Variants in METTL25 observed in about 807,000 individuals in gnomAD.
The protein encoded by METTL25 is methyltransferase like 25, also known as probable methyltransferase-like protein 25.
METTL25 carries 64 observed loss-of-function variants against 71.6 expected under a neutral mutation model. That is an observed-to-expected ratio of 0.89 (90% CI 0.73 to 1.10). The LOEUF is 1.10. METTL25 is among the 50% of genes least tolerant of loss of function. The pLI, the probability that METTL25 is intolerant of heterozygous loss-of-function variation, is 0.00. For missense variants in METTL25, 807 were observed against 707.0 expected, an observed-to-expected ratio of 1.14 and a Z score of -1.60; for synonymous variants, 287 against 250.3, an observed-to-expected ratio of 1.15 and a Z score of -1.38.
intron 1 of METTL25, among the ~76,000 whole-genome samples, chr12:82,378,405 G>A (rs1162198987): frequency 6.6e-6 from 1 of 152,142 alleles, no homozygotes; most frequent in Admixed American, 6.6e-5. Context: ...TGGAGATAGG[G>A]TAGGAGCTAG....
intron 8 of METTL25, chr12:82,439,867 T>TTTA (rs71068928): frequency 1 from 920,590 of 921,344 alleles, 459,923 homozygotes; most frequent in South Asian, 1. Context: ...TGTTCATGTG[T>TTTA]TTATTTCCTT....
intron 5 of METTL25, among the ~76,000 whole-genome samples, chr12:82,415,462 C>T (rs2137075561): frequency 6.6e-6 from 1 of 152,150 alleles, no homozygotes; most frequent in South Asian, 2.1e-4. Context: ...CATACACATA[C>T]ATGTAATTAG....
At chr12:82,451,897 A>G (rs1379928773) in intron 8 of METTL25, among the ~76,000 whole-genome samples, 1 of 152,124 alleles carries the variant, frequency 6.6e-6, no homozygotes, top group Non-Finnish European at 1.5e-5. Context: ...TAAACAGTTT[A>G]TCTTAGGAAC....
At chr12:82,415,816 T>C (rs992828950) in intron 5 of METTL25, among the ~76,000 whole-genome samples, 1 of 152,134 alleles carries the variant, frequency 6.6e-6, no homozygotes, top group African/African-American at 2.4e-5. Context: ...CAAAACTCCT[T>C]CACGGGCCAT....
intron 3 of METTL25, among the ~76,000 whole-genome samples, chr12:82,395,989 TCAGTCAACAACAGACCA>T (rs1886044368): frequency 6.6e-6 from 1 of 152,138 alleles, no homozygotes; most frequent in South Asian, 2.1e-4. Flanking sequence ...TAAGGACATT[TCAGTCAACAACAGACCA>T]CATATAAGAT....
chr12:82,429,495 T>C (rs555552323), intron 5 of METTL25, among the ~76,000 whole-genome samples: 1 of 151,700 alleles, frequency 6.6e-6, no homozygotes, highest in Non-Finnish European at 1.5e-5. Context: ...CTACTGTGAA[T>C]AGTGCTGCAA....
intron 5 of METTL25, 56 bp downstream of exon 5, chr12:82,403,186 T>C (rs746464732): frequency 1.1e-5 from 16 of 1,506,448 alleles, no homozygotes; most frequent in Non-Finnish European, 1.3e-5. Context: ...TGAAATATGC[T>C]ATTTCTATTT....
intron 1 of METTL25, among the ~76,000 whole-genome samples, chr12:82,386,554 G>T (rs1051003624): frequency 6.8e-6 from 1 of 147,956 alleles, no homozygotes; most frequent in Non-Finnish European, 1.5e-5. Flanking sequence ...CCATAAAAAA[G>T]GCCTGATTGT....
At chr12:82,397,007 A>G (rs1355728451) in intron 3 of METTL25, among the ~76,000 whole-genome samples, 2 of 151,982 alleles carry the variant, frequency 1.3e-5, no homozygotes, top group Non-Finnish European at 2.9e-5. Context: ...CAGTTGATGG[A>G]CATTTGAGTT....
chr12:82,423,749 A>T (rs1026121072), intron 5 of METTL25, among the ~76,000 whole-genome samples: 4 of 152,226 alleles, frequency 2.6e-5, no homozygotes, highest in African/African-American at 9.6e-5. Flanking sequence ...GACACTTCTC[A>T]AAAGACATTT....
chr12:82,478,941 G>A lies in METTL25; in HGVS notation c.1729G>A (p.Ala577Thr), dbSNP rs749440122. 3 of 1,610,724 alleles carry A rather than the reference G, an allele frequency of 1.9e-6. No individual in the cohort carries two copies. Among genetic ancestry groups the A allele is most frequent in the African/African-American group, 1.3e-5 (1 of 74,942 alleles). The change falls in exon 12 of 12, where the codon GCA becomes ACA. Residue 577 changes from alanine to threonine, a missense_variant. Transcript: ENST00000248306. ...ACTTATTAATTTACAGGAAGATATTGCATGGTCTGCTCTTGTGAAGTTGTT... is the reference window on the plus strand; with the variant it reads ...ACTTATTAATTTACAGGAAGATATTACATGGTCTGCTCTTGTGAAGTTGTT... ...LCYLKEQEDI[A>T]WSALVKLFDP...
At chr12:82,382,482 A>G (rs1402613642) in intron 1 of METTL25, among the ~76,000 whole-genome samples, 5 of 152,132 alleles carry the variant, frequency 3.3e-5, no homozygotes, top group African/African-American at 9.7e-5. Flanking sequence ...ATTACCATGG[A>G]GCCTTAGGAG....
At chr12:82,441,502 AG>A (rs1260328379) in intron 8 of METTL25, among the ~76,000 whole-genome samples, 1 of 151,930 alleles carries the variant, frequency 6.6e-6, no homozygotes, top group Non-Finnish European at 1.5e-5. Context: ...TTTCCTGCTA[AG>A]TACAACTAAA....
At chr12:82,365,112 A>T (rs1170600854) in intron 1 of METTL25, among the ~76,000 whole-genome samples, 3 of 152,212 alleles carry the variant, frequency 2.0e-5, no homozygotes, top group African/African-American at 7.2e-5. Context: ...ACATAGATCT[A>T]ATAAAGAGTC....
rs1157085790 is a variant in METTL25, at chr12:82,438,045, C to T, written c.1405-673C>T. 2.0e-5 allele frequency among the ~76,000 whole-genome samples: 3 copies of T among 151,754 alleles called. No individual in the cohort carries two copies. In the East Asian group the frequency reaches 5.8e-4, roughly 29 times the overall value. On this transcript the variant is annotated intron_variant, in intron 7 of 11. Transcript: ENST00000248306. Reference sequence around the variant, plus strand: ...TTACTTTCTGCTCTTTTAAAACAATCGTGCTTCATTGGAGCCCTTCTCTTC... The same window carrying T: ...TTACTTTCTGCTCTTTTAAAACAATTGTGCTTCATTGGAGCCCTTCTCTTC...
intron 8 of METTL25, among the ~76,000 whole-genome samples, chr12:82,452,533 A>G (rs1257277487): frequency 1.3e-5 from 2 of 152,190 alleles, no homozygotes; most frequent in African/African-American, 4.8e-5. Flanking sequence ...ATAATTTTTA[A>G]TCACAATATT....
intron 8 of METTL25, among the ~76,000 whole-genome samples, chr12:82,439,474 TTAAAA>T (rs1173836577): frequency 6.6e-6 from 1 of 151,832 alleles, no homozygotes; most frequent in Non-Finnish European, 1.5e-5. Flanking sequence ...ATTCTACAAA[TTAAAA>T]TAAGGCAATT....
chr12:82,410,672 T>G (rs1887489338), intron 5 of METTL25, among the ~76,000 whole-genome samples: 1 of 151,934 alleles, frequency 6.6e-6, no homozygotes, highest in African/African-American at 2.4e-5. Context: ...CAAAAACTTT[T>G]AAAGAAGAGA....
intron 8 of METTL25, among the ~76,000 whole-genome samples, chr12:82,443,477 A>G: frequency 6.6e-6 from 1 of 151,688 alleles, no homozygotes. Context: ...AAAAAAAAAA[A>G]AAGAAAAAAA....
Sources: allele counts gnomAD v4.1 joint callset (sites outside exome capture counted in the v4.1 genomes callset), GRCh38; gene constraint gnomAD v4.1.1; transcripts MANE v1.5; gene names NCBI Gene and HGNC (gene_info 2026-07-23, HGNC 2026-07-21).